DOCK4: variants seen among roughly 807,000 people sequenced by gnomAD.
DOCK4 encodes dedicator of cytokinesis protein 4.
A neutral mutation model predicts 268.1 loss-of-function variants in DOCK4; 97 were observed. That is an observed-to-expected ratio of 0.36 (90% confidence interval 0.31 to 0.43). The LOEUF is 0.43. Ranked by LOEUF, DOCK4 falls within the 20% of genes least tolerant of loss-of-function variation. DOCK4 has a pLI of 1.00. For missense variants in DOCK4, 2,145 were observed against 2,455.7 expected (o/e 0.87, Z 2.67); for synonymous variants, 954 against 887.2 (o/e 1.08, Z -1.34).
chr7:111,940,232 T>A lies in DOCK4; in HGVS notation c.855A>T (p.Gly285=). Residue 285 remains glycine (G), a synonymous_variant, in exon 11 of 53, where the codon GGA becomes GGT. Coordinates refer to ENST00000428084, the MANE Select transcript of DOCK4 (RefSeq NM_001363540.2). ...TACAGGCATTCTTTTTTTCTCCTGC[T>A]CCCATTCGACCTGTTCAATTAAAGA... ...TVHIIRIGRM[G]AGEKKNACSV... The A allele has an allele frequency of 6.2e-7, 1 of 1,614,020 alleles. No individual in the cohort carries two copies. The highest frequency in any genetic ancestry group is 8.5e-7 in the Non-Finnish European group (1 of 1,179,892).
intron 6 of DOCK4, among the ~76,000 whole-genome samples, chr7:111,985,281 C>G (rs971849104): frequency 1.3e-5 from 2 of 152,106 alleles, no homozygotes; most frequent in African/African-American, 4.8e-5. Context: ...CTGTGTAATG[C>G]CCTATCGATC....
chr7:111,731,598 G>A (rs888846993), intron 52 of DOCK4, among the ~76,000 whole-genome samples: 1 of 152,148 alleles, frequency 6.6e-6, no homozygotes, highest in Non-Finnish European at 1.5e-5. Context: ...GTTTAAAGAT[G>A]TTAAATAGCC....
intron 44 of DOCK4, among the ~76,000 whole-genome samples, chr7:111,745,507 C>T (rs886130653): frequency 1.3e-5 from 2 of 151,330 alleles, no homozygotes; most frequent in South Asian, 4.2e-4. Context: ...ACAGTGAAAC[C>T]CCGTCTCTAC....
intron 5 of DOCK4, among the ~76,000 whole-genome samples, chr7:111,991,866 C>T (rs1454408933): frequency 6.8e-6 from 1 of 146,810 alleles, no homozygotes; most frequent in Admixed American, 7.2e-5. Flanking sequence ...GAGGCTGAGG[C>T]AGGAGAATGG....
Position 111,764,511 on chromosome 7 carries a change from A to G in DOCK4, c.4020+607T>C, listed in dbSNP as rs552484765. ...AGGTGTATATACTGAAGTATTCAATAAATATTCAAGCATAGAAGACACTAC... is the reference window on the plus strand; with the variant it reads ...AGGTGTATATACTGAAGTATTCAATGAATATTCAAGCATAGAAGACACTAC... On this transcript the variant is annotated intron_variant, in intron 39 of 52. Coordinates refer to ENST00000428084, the MANE Select transcript of DOCK4 (RefSeq NM_001363540.2). 8.5e-5 allele frequency among the ~76,000 whole-genome samples: 13 copies of G among 152,360 alleles called. No individual in the cohort carries two copies. In the East Asian group the frequency reaches 2.3e-3, roughly 27 times the overall value.
intron 1 of DOCK4, among the ~76,000 whole-genome samples, chr7:112,052,687 C>T (rs779279441): frequency 2.0e-5 from 3 of 152,176 alleles, no homozygotes; most frequent in East Asian, 1.9e-4. Flanking sequence ...CTCACCCACC[C>T]GCAATAATGC....
At chr7:112,161,895 C>A (rs1453118685) in intron 1 of DOCK4, among the ~76,000 whole-genome samples, 1 of 152,198 alleles carries the variant, frequency 6.6e-6, no homozygotes, top group Non-Finnish European at 1.5e-5. Flanking sequence ...ATCCTAACTA[C>A]AGAGAATTCT....
At chr7:111,884,706 C>G (rs920250065) in intron 16 of DOCK4, among the ~76,000 whole-genome samples, 2 of 152,116 alleles carry the variant, frequency 1.3e-5, no homozygotes, top group African/African-American at 4.8e-5. Context: ...AGGGATCATG[C>G]AACCTGGATA....
intron 36 of DOCK4, among the ~76,000 whole-genome samples, chr7:111,775,707 C>A (rs1798399597): frequency 1.3e-5 from 2 of 152,156 alleles, no homozygotes; most frequent in African/African-American, 4.8e-5. Context: ...ACATTTCTGG[C>A]CTCACTCAGT....
chr7:112,203,444 A>G (rs1354099900), intron 1 of DOCK4, among the ~76,000 whole-genome samples: 1 of 152,232 alleles, frequency 6.6e-6, no homozygotes, highest in Non-Finnish European at 1.5e-5. Flanking sequence ...ATAAAATTTA[A>G]CTAATTTTAC....
intron 1 of DOCK4, among the ~76,000 whole-genome samples, chr7:112,169,792 G>A (rs1367596271): frequency 2.0e-5 from 3 of 152,144 alleles, no homozygotes; most frequent in Non-Finnish European, 2.9e-5. Context: ...TAAGGGAGGA[G>A]GGCGACAAAT....
chr7:112,022,665 G>C (rs1802426970), intron 1 of DOCK4, among the ~76,000 whole-genome samples: 1 of 152,196 alleles, frequency 6.6e-6, no homozygotes, highest in Non-Finnish European at 1.5e-5. Context: ...GGAGAACATG[G>C]ATGGTGTTCA....
intron 39 of DOCK4, among the ~76,000 whole-genome samples, chr7:111,763,057 C>G (rs551715014): frequency 6.6e-6 from 1 of 151,210 alleles, no homozygotes; most frequent in African/African-American, 2.4e-5. Context: ...CATGAGCTAC[C>G]GTGCCCAGCT....
At chr7:112,037,634 T>A (rs1350929493) in intron 1 of DOCK4, among the ~76,000 whole-genome samples, 9 of 152,242 alleles carry the variant, frequency 5.9e-5, no homozygotes, top group Admixed American at 4.6e-4. Flanking sequence ...ATAGTCCTTT[T>A]AAAATTTATT....
chr7:112,133,911 A>T (rs1310021163), intron 1 of DOCK4, among the ~76,000 whole-genome samples: 1 of 151,502 alleles, frequency 6.6e-6, no homozygotes, highest in Admixed American at 6.6e-5. Flanking sequence ...TTGTGAAATA[A>T]TTTTTTTTTA....
intron 7 of DOCK4, among the ~76,000 whole-genome samples, chr7:111,981,451 C>G (rs1798603592): frequency 1.3e-5 from 2 of 152,186 alleles, no homozygotes; most frequent in South Asian, 4.1e-4. Flanking sequence ...ATCTGTGCAG[C>G]AAACTACCAT....
At chr7:111,780,041 C>T (rs950221721) in intron 35 of DOCK4, among the ~76,000 whole-genome samples, 4 of 152,080 alleles carry the variant, frequency 2.6e-5, no homozygotes, top group African/African-American at 9.7e-5. Context: ...AGAGGAAAGG[C>T]CAGGAATTCT....
At position 112,042,378 on chromosome 7, in the gene DOCK4, C is replaced by T. The variant is rs140508427; in HGVS notation, c.38-38247G>A. Among the ~76,000 whole-genome samples the T allele has an allele frequency of 1.1e-3, 166 of 152,102 alleles. 2 individuals are homozygous for T. Among genetic ancestry groups the T allele is most frequent in the Middle Eastern group, 3.4e-3 (1 of 294 alleles). ...AGGAAGATCATCTTGAAAGTGTGAA[C>T]GAGGATATTCTGAGTGTCTTGCAGA... On this transcript the variant is annotated intron_variant, in intron 1 of 52. Transcript: ENST00000428084.
intron 30 of DOCK4, among the ~76,000 whole-genome samples, chr7:111,800,853 C>G (rs377297116): frequency 2.0e-5 from 3 of 152,190 alleles, no homozygotes; most frequent in Non-Finnish European, 2.9e-5. Context: ...TCCAACACCC[C>G]CTAACAGCAG....
Sources: allele counts gnomAD v4.1 joint callset (sites outside exome capture counted in the v4.1 genomes callset), GRCh38; gene constraint gnomAD v4.1.1; transcripts MANE v1.5; gene names NCBI Gene and HGNC (gene_info 2026-07-23, HGNC 2026-07-21).